Variants in PCMTD1 observed in about 807,000 individuals in gnomAD.
The protein encoded by PCMTD1 is protein-L-isoaspartate O-methyltransferase domain-containing protein 1.
In PCMTD1, 12 loss-of-function variants were observed where a neutral mutation model predicts 37.6. The ratio of observed to expected loss-of-function variants is 0.32; its 90% CI spans 0.20 to 0.52. PCMTD1 has a LOEUF of 0.52. PCMTD1 is among the 20% of genes least tolerant of loss of function. The pLI, the probability that PCMTD1 is intolerant of heterozygous loss-of-function variation, is 0.97. For synonymous variants in PCMTD1, 117 were observed against 135.8 expected, an observed-to-expected ratio of 0.86 and a Z score of 0.96; for missense variants, 235 against 421.3, an observed-to-expected ratio of 0.56 and a Z score of 3.87.
intron 4 of PCMTD1, among the ~76,000 whole-genome samples, 164 bp downstream of exon 4, chr8:51,833,353 AT>A (rs1160040413): frequency 6.8e-6 from 1 of 147,426 alleles, no homozygotes; most frequent in Non-Finnish European, 1.5e-5. Flanking sequence ...CTTTGTTTAA[AT>A]AATTAAGATG....
At position 51,820,773 on chromosome 8, in the gene PCMTD1, ATTGT is replaced by A. The variant is rs1030057034; in HGVS notation, c.707-59_707-56del. The A allele has an allele frequency of 4.2e-5, 58 of 1,369,298 alleles. No individual in the cohort carries two copies. In the African/African-American group the frequency reaches 7.0e-4, roughly 16 times the overall value. The allele number at this position is 1,369,298 out of a possible 1,614,324, so 84.8% of individuals were successfully genotyped here. A position where few individuals can be genotyped will look rare whatever the true frequency, so the allele number is the denominator to read the frequency against. ...AAATATTAACAATAAAACATTATCT[ATTGT>A]TTATTTTTTTCATAGAACAAAATGT... On this transcript the variant is annotated intron_variant, in intron 5 of 5. Coordinates refer to ENST00000522514, the MANE Select transcript of PCMTD1 (RefSeq NM_052937.4).
rs760065130 is a variant in PCMTD1, at chr8:51,833,520, G to C, written c.580C>G (p.Gln194Glu). Residue 194 changes from glutamine to glutamate, a missense_variant and splice_region_variant, in exon 4 of 6, where the codon CAG becomes GAG. Gln to Glu is a conservative substitution (Grantham distance 29). Coordinates refer to ENST00000522514, the MANE Select transcript of PCMTD1 (RefSeq NM_052937.4). ...GGILVMPIED[Q>E]LTQIMRTGQN... ...AAGAAAAGGAGAGTGGAAGTTACCTGATCCTCTATAGGCATGACTAATATG... is the reference window on the plus strand; with the variant it reads ...AAGAAAAGGAGAGTGGAAGTTACCTCATCCTCTATAGGCATGACTAATATG... 6.2e-7 allele frequency: 1 copy of C among 1,603,364 alleles called. No individual in the cohort carries two copies. The highest frequency in any genetic ancestry group is 8.5e-7 in the Non-Finnish European group (1 of 1,175,456).
At chr8:51,891,798 C>T (rs1285329059) in intron 1 of PCMTD1, among the ~76,000 whole-genome samples, 1 of 151,320 alleles carries the variant, frequency 6.6e-6, no homozygotes, top group African/African-American at 2.4e-5. Context: ...ACACAATTAA[C>T]AGTGTGTATT....
chr8:51,863,214 G>A (rs1257396942), intron 1 of PCMTD1, among the ~76,000 whole-genome samples: 1 of 152,062 alleles, frequency 6.6e-6, no homozygotes, highest in East Asian at 1.9e-4. Flanking sequence ...AAGATATTTG[G>A]CAAATTGCTG....
At chr8:51,856,246 A>G (rs997514082) in intron 2 of PCMTD1, among the ~76,000 whole-genome samples, 2 of 152,240 alleles carry the variant, frequency 1.3e-5, no homozygotes, top group South Asian at 2.1e-4. Flanking sequence ...CTAATGGCCC[A>G]TAAGCACATG....
At chr8:51,879,733 A>G (rs901213265) in intron 1 of PCMTD1, among the ~76,000 whole-genome samples, 70 of 152,342 alleles carry the variant, frequency 4.6e-4, no homozygotes, top group African/African-American at 1.6e-3. Context: ...GCAAAACGTA[A>G]AAATGATAAA....
At chr8:51,822,578 C>T (rs918196784) in intron 5 of PCMTD1, among the ~76,000 whole-genome samples, 17 of 152,176 alleles carry the variant, frequency 1.1e-4, no homozygotes, top group African/African-American at 4.1e-4. Flanking sequence ...ATACTCGTCA[C>T]CATTTTCAAT....
At chr8:51,879,321 A>C (rs1440211905) in intron 1 of PCMTD1, among the ~76,000 whole-genome samples, 2 of 152,182 alleles carry the variant, frequency 1.3e-5, no homozygotes, top group East Asian at 3.9e-4. Flanking sequence ...AAAAAAAAAT[A>C]AAGTTGGAAA....
Position 51,819,821 on chromosome 8 carries a change from T to C in PCMTD1, c.*530A>G, listed in dbSNP as rs1292726747. 6.6e-6 allele frequency: 1 copy of C among 152,632 alleles called. No individual in the cohort carries two copies. Among genetic ancestry groups the C allele is most frequent in the Admixed American group, 6.6e-5 (1 of 15,264 alleles). 9.5% of individuals were successfully genotyped at this position (152,632 alleles called of 1,614,324 possible). On this transcript the variant is annotated 3_prime_UTR_variant, in exon 6 of 6. Coordinates refer to ENST00000522514, the MANE Select transcript of PCMTD1 (RefSeq NM_052937.4). ...TTTTTTAAAGCTAAATTATTCAATA[T>C]CTTGTATTGTTATTGCACTCATATA...
intron 3 of PCMTD1, among the ~76,000 whole-genome samples, chr8:51,834,421 A>G (rs1490645663): frequency 6.6e-6 from 1 of 152,208 alleles, no homozygotes; most frequent in Non-Finnish European, 1.5e-5. Context: ...ATGCTTTTAC[A>G]AACTATCCTA....
At chr8:51,836,050 T>C (rs1267803680) in intron 3 of PCMTD1, among the ~76,000 whole-genome samples, 1 of 152,210 alleles carries the variant, frequency 6.6e-6, no homozygotes, top group Non-Finnish European at 1.5e-5. Context: ...CTCGTGTCTA[T>C]ATCTAATGGA....
rs1385148382 is a variant in PCMTD1 at position 51,861,169 on chromosome 8, A to G, written c.-18T>C. ...CCTCCCATGATAGTATTCAAATCAA[A>G]TCATAAATTTAAAAGTGAAATAAAA... On this transcript the variant is annotated 5_prime_UTR_variant, in exon 2 of 6. Transcript: ENST00000522514. 6.4e-7 allele frequency: 1 copy of G among 1,556,534 alleles called. No homozygotes were observed. The highest frequency in any genetic ancestry group is 8.7e-7 in the Non-Finnish European group (1 of 1,148,484).
chr8:51,856,793 T>C (rs75201241), intron 2 of PCMTD1, among the ~76,000 whole-genome samples: 3,783 of 152,288 alleles, frequency 0.025, 161 homozygotes, highest in African/African-American at 0.085. Context: ...ATATGAAATG[T>C]CCAGAAAGGA....
At chr8:51,860,283 T>C (rs1426181422) in intron 2 of PCMTD1, among the ~76,000 whole-genome samples, 1 of 152,240 alleles carries the variant, frequency 6.6e-6, no homozygotes, top group Non-Finnish European at 1.5e-5. Flanking sequence ...CAGTAAGCTC[T>C]TTGAGGGCAG....
chr8:51,843,465 G>C (rs989912893), intron 3 of PCMTD1, among the ~76,000 whole-genome samples: 2 of 151,906 alleles, frequency 1.3e-5, no homozygotes, highest in African/African-American at 2.4e-5. Context: ...AAAAATTACA[G>C]AGAAACATTT....
intron 1 of PCMTD1, among the ~76,000 whole-genome samples, chr8:51,891,339 C>A (rs191260177): frequency 6.6e-6 from 1 of 152,176 alleles, no homozygotes; most frequent in African/African-American, 2.4e-5. Flanking sequence ...GGCTTGAGCC[C>A]ATGACTTTGA....
intron 1 of PCMTD1, among the ~76,000 whole-genome samples, chr8:51,884,993 G>A (rs972589024): frequency 6.6e-6 from 1 of 152,114 alleles, no homozygotes; most frequent in Non-Finnish European, 1.5e-5. Flanking sequence ...TTCTGTTACA[G>A]TAAATAATCC....
At chr8:51,862,187 A>G (rs1345325613) in intron 1 of PCMTD1, among the ~76,000 whole-genome samples, 1 of 152,246 alleles carries the variant, frequency 6.6e-6, no homozygotes, top group East Asian at 1.9e-4. Context: ...ACAGAATAAC[A>G]TATTACTCGA....
intron 1 of PCMTD1, among the ~76,000 whole-genome samples, chr8:51,884,637 C>T (rs1007781889): frequency 7.2e-5 from 11 of 152,158 alleles, no homozygotes; most frequent in Admixed American, 6.6e-4. Context: ...CTTTGTTTCC[C>T]GGCCTGGTGC....
Sources: gnomAD v4.1 joint callset for allele counts (sites outside exome capture counted in the v4.1 genomes callset) on GRCh38, gnomAD v4.1.1 for gene constraint, MANE v1.5 for transcripts, NCBI Gene and HGNC (gene_info 2026-07-23, HGNC 2026-07-21) for gene names.